The following HCN1 variants were observed in gnomAD, a reference collection of about 807,000 sequenced individuals.
The protein encoded by HCN1 is hyperpolarization activated cyclic nucleotide gated potassium channel 1, also known as potassium/sodium hyperpolarization-activated cyclic nucleotide-gated channel 1.
In HCN1, 13 loss-of-function variants were observed where a neutral mutation model predicts 78.9. That is an observed-to-expected ratio of 0.16 (90% CI 0.11 to 0.26). The LOEUF (loss-of-function observed/expected upper bound fraction) is 0.26, where lower values mean the gene tolerates loss of function less well. Among genes scored for constraint, HCN1 ranks in the 10% least tolerant of loss-of-function variants. HCN1 has a pLI of 1.00. For synonymous variants in HCN1, 552 were observed against 455.5 expected (o/e 1.21, Z -2.70); for missense variants, 810 against 1,154.3 (o/e 0.70, Z 4.32).
chr5:45,305,255 C>G (rs778178592), intron 5 of HCN1, among the ~76,000 whole-genome samples: 1 of 152,102 alleles, frequency 6.6e-6, no homozygotes, highest in African/African-American at 2.4e-5. Context: ...CATAAAATAA[C>G]CTAATGCCAT....
chr5:45,576,914 C>G (rs756034885), intron 2 of HCN1, among the ~76,000 whole-genome samples: 45 of 152,102 alleles, frequency 3.0e-4, no homozygotes, highest in Non-Finnish European at 5.9e-4. Flanking sequence ...CTTTTATTTT[C>G]CCCTTCCCCA....
Position 45,460,877 on chromosome 5 carries a change from C to T in HCN1, c.1011+969G>A, listed in dbSNP as rs1741139974. On this transcript the variant is annotated intron_variant, in intron 3 of 7. Coordinates refer to ENST00000303230, the MANE Select transcript of HCN1 (RefSeq NM_021072.4). ...ATCTTTGGTGTCCATGTAATTTCTACAAAAATAAGCCAACAAATCAATAGT... is the reference window on the plus strand; with the variant it reads ...ATCTTTGGTGTCCATGTAATTTCTATAAAAATAAGCCAACAAATCAATAGT... 2.7e-5 allele frequency among the ~76,000 whole-genome samples: 4 copies of T among 147,516 alleles called. No individual in the cohort carries two copies. In the South Asian group the frequency reaches 6.4e-4, roughly 24 times the overall value.
chr5:45,452,331 TGTTTTTTTTTTTA>T (rs1222099600), intron 3 of HCN1, among the ~76,000 whole-genome samples: 1 of 150,842 alleles, frequency 6.6e-6, no homozygotes, highest in Admixed American at 6.6e-5. Context: ...TTTTTTTTTT[TGTTTTTTTTTTTA>T]GGTTCCAGGG....
chr5:45,522,860 A>G (rs1277140477), intron 2 of HCN1, among the ~76,000 whole-genome samples: 1 of 151,432 alleles, frequency 6.6e-6, no homozygotes, highest in South Asian at 2.1e-4. Flanking sequence ...CCTTTTTTAA[A>G]TTTTATTATT....
intron 6 of HCN1, among the ~76,000 whole-genome samples, chr5:45,282,421 G>T (rs552214736): frequency 6.6e-6 from 1 of 152,280 alleles, no homozygotes; most frequent in East Asian, 1.9e-4. Flanking sequence ...GGTAAAGAAA[G>T]TTTGGGTCAT....
chr5:45,523,259 T>C, intron 2 of HCN1, among the ~76,000 whole-genome samples: 1 of 147,556 alleles, frequency 6.8e-6, no homozygotes, highest in Non-Finnish European at 1.5e-5. Context: ...AGTATATCAT[T>C]GTTGGACATT....
At chr5:45,325,696 G>T (rs953968784) in intron 5 of HCN1, among the ~76,000 whole-genome samples, 1 of 151,572 alleles carries the variant, frequency 6.6e-6, no homozygotes, top group Non-Finnish European at 1.5e-5. Context: ...GCCCATACTA[G>T]CAGATCTTAA....
chr5:45,301,963 C>T (rs530535462), intron 6 of HCN1, among the ~76,000 whole-genome samples: 9 of 151,746 alleles, frequency 5.9e-5, no homozygotes, highest in Non-Finnish European at 7.4e-5. Flanking sequence ...ATTAGATTTA[C>T]GAAGGCAAAC....
At chr5:45,484,815 G>A (rs899876282) in intron 2 of HCN1, among the ~76,000 whole-genome samples, 1 of 152,158 alleles carries the variant, frequency 6.6e-6, no homozygotes, top group Non-Finnish European at 1.5e-5. Flanking sequence ...AGTGTTCAAA[G>A]TCAATGTGAA....
chr5:45,695,551 G>C (rs1318425618), intron 1 of HCN1, 118 bp downstream of exon 1: 26 of 1,018,774 alleles, frequency 2.6e-5, no homozygotes, highest in Non-Finnish European at 3.3e-5. Context: ...CGACGCCGCC[G>C]GCAGCGCCAC....
chr5:45,285,551 T>G (rs1334291611), intron 6 of HCN1, among the ~76,000 whole-genome samples: 1 of 151,956 alleles, frequency 6.6e-6, no homozygotes, highest in South Asian at 2.1e-4. Flanking sequence ...TTTTACTGTA[T>G]TCAGCCCTGA....
chr5:45,269,439 T>A (rs1455057171), intron 6 of HCN1, among the ~76,000 whole-genome samples: 1 of 152,230 alleles, frequency 6.6e-6, no homozygotes, highest in African/African-American at 2.4e-5. Flanking sequence ...TTTTGTCTCT[T>A]TTTCTAGGTC....
chr5:45,313,431 A>G (rs1455943455), intron 5 of HCN1, among the ~76,000 whole-genome samples: 2 of 152,224 alleles, frequency 1.3e-5, no homozygotes, highest in African/African-American at 2.4e-5. Flanking sequence ...ACAGAGCAGA[A>G]AAGCTAAAAA....
chr5:45,543,473 C>T (rs1263624614), intron 2 of HCN1, among the ~76,000 whole-genome samples: 2 of 151,936 alleles, frequency 1.3e-5, no homozygotes, highest in East Asian at 1.9e-4. Context: ...AGGATATACA[C>T]CATTGAAAAT....
chr5:45,352,628 G>A (rs1217689006), intron 5 of HCN1, among the ~76,000 whole-genome samples: 3 of 151,930 alleles, frequency 2.0e-5, no homozygotes, highest in Non-Finnish European at 4.4e-5. Context: ...TTCTAGGGAG[G>A]AACAGAAAGA....
At chr5:45,421,450 G>T (rs1007631109) in intron 3 of HCN1, among the ~76,000 whole-genome samples, 2 of 152,010 alleles carry the variant, frequency 1.3e-5, no homozygotes, top group Non-Finnish European at 2.9e-5. Context: ...GTCAACTACA[G>T]CAATAAGCAA....
intron 2 of HCN1, among the ~76,000 whole-genome samples, chr5:45,560,850 C>T (rs1326696114): frequency 1.3e-5 from 2 of 151,962 alleles, no homozygotes; most frequent in African/African-American, 2.4e-5. Flanking sequence ...TTTTCTGGTT[C>T]GTAAATACGA....
intron 4 of HCN1, among the ~76,000 whole-genome samples, chr5:45,375,738 T>C (rs866195627): frequency 0.014 from 1,509 of 105,056 alleles, 40 homozygotes; most frequent in African/African-American, 0.037. Flanking sequence ...TTTTATGATA[T>C]ATCTTATATA....
chr5:45,366,433 T>A (rs1186146453), intron 4 of HCN1, among the ~76,000 whole-genome samples: 1 of 151,774 alleles, frequency 6.6e-6, no homozygotes, highest in South Asian at 2.1e-4. Context: ...TGTATATATA[T>A]GAAAATGCGT....
Sources: gnomAD v4.1 joint callset for allele counts (sites outside exome capture counted in the v4.1 genomes callset) on GRCh38, gnomAD v4.1.1 for gene constraint, MANE v1.5 for transcripts, NCBI Gene and HGNC (gene_info 2026-07-23, HGNC 2026-07-21) for gene names.